CCSER1: variants seen among roughly 807,000 people sequenced by gnomAD.
CCSER1 encodes the protein serine-rich coiled-coil domain-containing protein 1.
CCSER1 carries 41 observed loss-of-function variants against 82.0 expected under a neutral mutation model. The ratio of observed to expected loss-of-function variants is 0.50; its 90% CI spans 0.39 to 0.65. The LOEUF is 0.65. CCSER1 is among the 30% of genes least tolerant of loss of function. The pLI, the probability that CCSER1 is intolerant of heterozygous loss-of-function variation, is 0.00. For synonymous variants in CCSER1, 414 were observed against 383.9 expected, an observed-to-expected ratio of 1.08 and a Z score of -0.92; for missense variants, 1,119 against 1,064.2, an observed-to-expected ratio of 1.05 and a Z score of -0.72.
intron 6 of CCSER1, among the ~76,000 whole-genome samples, chr4:90,715,648 G>A (rs929992720): frequency 6.6e-6 from 1 of 151,978 alleles, no homozygotes. Flanking sequence ...TTTCAGGAGG[G>A]TGAACCAGAG....
intron 9 of CCSER1, among the ~76,000 whole-genome samples, chr4:91,085,597 T>A (rs963829737): frequency 6.6e-5 from 10 of 152,130 alleles, no homozygotes; most frequent in African/African-American, 2.4e-4. Flanking sequence ...TGCTGGTAGG[T>A]GAACTAGAGT....
chr4:91,161,610 G>T (rs1731409198), intron 10 of CCSER1, among the ~76,000 whole-genome samples: 1 of 152,082 alleles, frequency 6.6e-6, no homozygotes, highest in Non-Finnish European at 1.5e-5. Flanking sequence ...CTTTGAAGAG[G>T]TCCTTCACAT....
At chr4:91,065,853 G>T (rs1417220856) in intron 9 of CCSER1, among the ~76,000 whole-genome samples, 6 of 150,216 alleles carry the variant, frequency 4.0e-5, no homozygotes, top group Non-Finnish European at 8.9e-5. Context: ...ATTTGAATAT[G>T]ACTTCTTTCA....
intron 3 of CCSER1, among the ~76,000 whole-genome samples, chr4:90,357,199 G>A (rs1744528427): frequency 6.6e-6 from 1 of 151,698 alleles, no homozygotes; most frequent in Non-Finnish European, 1.5e-5. Context: ...CTTCTGAGAT[G>A]GTTTTAAAAA....
intron 10 of CCSER1, among the ~76,000 whole-genome samples, chr4:91,553,392 C>T (rs1334500143): frequency 1.3e-5 from 2 of 151,532 alleles, no homozygotes; most frequent in Non-Finnish European, 3.0e-5. Flanking sequence ...GCTATGGTAT[C>T]AGGGTCATTC....
intron 1 of CCSER1, among the ~76,000 whole-genome samples, chr4:90,155,524 T>G (rs1022656520): frequency 9.2e-5 from 14 of 152,176 alleles, no homozygotes; most frequent in African/African-American, 3.1e-4. Flanking sequence ...TCTTTTTGGT[T>G]GGTAAGGTAT....
At position 91,028,569 on chromosome 4, in the gene CCSER1, G is replaced by A. The variant is rs11940662; in HGVS notation, c.2173-57381G>A. Among the ~76,000 whole-genome samples, 527 of 151,998 alleles carry A rather than the reference G, an allele frequency of 3.5e-3. 4 individuals carry two copies. Among genetic ancestry groups the A allele is most frequent in the African/African-American group, 0.012 (508 of 41,494 alleles). ...CTTACCAAGCATGCCAATAAATAAT[G>A]TTTTGAATGAAATAGAGCATGACAT... On this transcript the variant is annotated intron_variant, in intron 9 of 10. Transcript: ENST00000509176.
At chr4:90,463,496 A>G (rs1368346640) in intron 4 of CCSER1, among the ~76,000 whole-genome samples, 4 of 151,640 alleles carry the variant, frequency 2.6e-5, no homozygotes, top group African/African-American at 4.8e-5. Flanking sequence ...ATGCACAGTT[A>G]GTGCAGAATT....
At chr4:90,824,004 G>A (rs1012790626) in intron 8 of CCSER1, among the ~76,000 whole-genome samples, 3 of 151,588 alleles carry the variant, frequency 2.0e-5, no homozygotes, top group African/African-American at 7.3e-5. Flanking sequence ...TTAATCCTAT[G>A]TTTTTCTTTT....
chr4:91,457,014 G>A (rs1044356307), intron 10 of CCSER1, among the ~76,000 whole-genome samples: 9 of 151,920 alleles, frequency 5.9e-5, no homozygotes, highest in South Asian at 2.1e-4. Context: ...GGAAGTATTC[G>A]TTGAGTAGCT....
chr4:91,577,920 T>TA (rs374721940), intron 10 of CCSER1, among the ~76,000 whole-genome samples: 5 of 149,514 alleles, frequency 3.3e-5, no homozygotes, highest in South Asian at 4.2e-4. Context: ...TTCTTCTGAT[T>TA]AAAAAAAAAA....
chr4:90,835,102 C>A (rs563644442), intron 8 of CCSER1, among the ~76,000 whole-genome samples: 1 of 152,108 alleles, frequency 6.6e-6, no homozygotes, highest in Non-Finnish European at 1.5e-5. Flanking sequence ...GAGGCCGAGG[C>A]GGATGGATCA....
chr4:90,768,589 G>T (rs879581955), intron 7 of CCSER1, among the ~76,000 whole-genome samples: 4 of 152,164 alleles, frequency 2.6e-5, no homozygotes, highest in Non-Finnish European at 4.4e-5. Flanking sequence ...AAAGTGCCTT[G>T]ACGGAGCTAT....
At chr4:90,509,930 AAAATCATAACTAAATTT>A (rs2153616321) in intron 5 of CCSER1, among the ~76,000 whole-genome samples, 1 of 152,308 alleles carries the variant, frequency 6.6e-6, no homozygotes, top group South Asian at 2.1e-4. Context: ...TGCTATCTCA[AAAATCATAACTAAATTT>A]TTATGGGACA....
In CCSER1 at chr4:91,604,898, A is replaced by G. The variant is rs1764909355; in HGVS notation, c.*5841A>G. On this transcript the variant is annotated 3_prime_UTR_variant, in exon 11 of 11. Transcript: ENST00000509176. ...CTGAATAAGACGTAATCCTGTCATG[A>G]GTTCTCTCTTCCAAAAAAGAATGCA... The G allele has an allele frequency of 6.6e-6, 1 of 151,952 alleles. No individual in the cohort carries two copies. Among genetic ancestry groups the G allele is most frequent in the African/African-American group, 2.4e-5 (1 of 41,430 alleles). The allele number at this position is 151,952 out of a possible 1,614,324, so 9.4% of individuals were successfully genotyped here.
At chr4:91,086,900 C>T (rs1331687426) in intron 10 of CCSER1, among the ~76,000 whole-genome samples, 2 of 152,006 alleles carry the variant, frequency 1.3e-5, no homozygotes, top group African/African-American at 2.4e-5. Context: ...CCAGAAAAAT[C>T]TATTTTTATT....
chr4:91,196,132 A>G (rs74414115), intron 10 of CCSER1, among the ~76,000 whole-genome samples: 2 of 149,814 alleles, frequency 1.3e-5, no homozygotes, highest in Non-Finnish European at 2.9e-5. Flanking sequence ...GCTTGCAGTG[A>G]GCAGAGATTG....
intron 4 of CCSER1, among the ~76,000 whole-genome samples, chr4:90,429,050 T>TTAA (rs150213833): frequency 0.018 from 2,683 of 151,950 alleles, 32 homozygotes; most frequent in African/African-American, 0.038. Flanking sequence ...TTGCAAGATG[T>TTAA]TAATATGGTA....
At chr4:91,313,951 AT>A (rs1486783848) in intron 10 of CCSER1, among the ~76,000 whole-genome samples, 3 of 152,002 alleles carry the variant, frequency 2.0e-5, no homozygotes, top group African/African-American at 7.2e-5. Flanking sequence ...GATGATTGAT[AT>A]ATACTTACAT....
Sources: allele counts gnomAD v4.1 joint callset (sites outside exome capture counted in the v4.1 genomes callset), GRCh38; gene constraint gnomAD v4.1.1; transcripts MANE v1.5; gene names NCBI Gene and HGNC (gene_info 2026-07-23, HGNC 2026-07-21).